The following TENM3 variants were observed in gnomAD, a reference collection of about 807,000 sequenced individuals.
TENM3 encodes teneurin-3.
Under a neutral mutation model 255.1 loss-of-function variants are expected in TENM3, and 63 were observed. That is an observed-to-expected ratio of 0.25 (90% CI 0.20 to 0.30). TENM3 has a LOEUF of 0.30. Ranked by LOEUF, TENM3 falls within the 10% of genes least tolerant of loss-of-function variation. TENM3 has a pLI of 1.00. For synonymous variants in TENM3, 1,306 were observed against 1,322.3 expected (o/e 0.99, Z 0.27); for missense variants, 2,929 against 3,461.1 (o/e 0.85, Z 3.86).
At chr4:182,767,637 C>T (rs1026642144) in intron 22 of TENM3, among the ~76,000 whole-genome samples, 2 of 151,964 alleles carry the variant, frequency 1.3e-5, no homozygotes, top group African/African-American at 4.8e-5. Flanking sequence ...ACTACGTATA[C>T]TATATATACA....
chr4:182,185,195 A>G (rs1399575897), intron 1 of TENM3, among the ~76,000 whole-genome samples: 1 of 152,142 alleles, frequency 6.6e-6, no homozygotes, highest in Non-Finnish European at 1.5e-5. Context: ...CATCTCATTT[A>G]CTTTCTTTTA....
chr4:181,448,866 T>C, the TENM3 span, among the ~76,000 whole-genome samples: 194 of 152,308 alleles, frequency 1.3e-3, 3 homozygotes, highest in South Asian at 0.03. Flanking sequence ...TTTCTAAACA[T>C]ACTTATAATT....
chr4:182,176,302 CT>C (rs1752485018), intron 1 of TENM3, among the ~76,000 whole-genome samples: 1 of 150,090 alleles, frequency 6.7e-6, no homozygotes, highest in Non-Finnish European at 1.5e-5. Flanking sequence ...TGAATTACAG[CT>C]TCACCACCGT....
chr4:182,492,496 T>C (rs1048854595), intron 3 of TENM3, among the ~76,000 whole-genome samples: 1 of 152,194 alleles, frequency 6.6e-6, no homozygotes, highest in Non-Finnish European at 1.5e-5. Flanking sequence ...AAGGAAGTAA[T>C]ATTCATGTCA....
rs530019659 is a variant in TENM3, at chr4:182,225,791, G to C, written c.-76+81037G>C. 3.9e-5 allele frequency among the ~76,000 whole-genome samples: 6 copies of C among 152,272 alleles called. 1 individual carries two copies. The highest frequency in any genetic ancestry group is 1.4e-4 in the African/African-American group (6 of 41,548). The stretch of plus-strand genomic sequence containing the variant: ...GAAAGTGGCTTTCTTATCTAAGATA[G>C]CCTGGAGTCTGACAAAGCAGTGGGC... On this transcript the variant is annotated intron_variant, in intron 1 of 2. Coordinates refer to the TENM3 transcript ENST00000512480.
intron 3 of TENM3, among the ~76,000 whole-genome samples, chr4:182,597,589 T>C (rs886446621): frequency 6.6e-6 from 1 of 152,236 alleles, no homozygotes; most frequent in Admixed American, 6.5e-5. Flanking sequence ...GCCAGATTTG[T>C]GTTCCTCTTT....
At chr4:181,868,346 A>G in the TENM3 span, among the ~76,000 whole-genome samples, 1 of 152,112 alleles carries the variant, frequency 6.6e-6, no homozygotes, top group Non-Finnish European at 1.5e-5. Flanking sequence ...TAAATTTTAT[A>G]TAAACAGAGG....
chr4:181,540,812 C>A, the TENM3 span, among the ~76,000 whole-genome samples: 52 of 150,920 alleles, frequency 3.4e-4, no homozygotes, highest in African/African-American at 1.3e-3. Flanking sequence ...ATGTGGTACC[C>A]ATCATGGGAT....
At chr4:181,549,250 C>T in the TENM3 span, among the ~76,000 whole-genome samples, 2 of 152,198 alleles carry the variant, frequency 1.3e-5, no homozygotes, top group African/African-American at 4.8e-5. Flanking sequence ...AAGCCGGAGG[C>T]TCAGCTCCAG....
the TENM3 span, among the ~76,000 whole-genome samples, chr4:182,008,654 T>A: frequency 6.6e-6 from 1 of 152,084 alleles, no homozygotes; most frequent in Non-Finnish European, 1.5e-5. Context: ...TTAGCTTCTT[T>A]GTATTGGGTT....
chr4:181,555,380 A>G, the TENM3 span, among the ~76,000 whole-genome samples: 3 of 152,206 alleles, frequency 2.0e-5, no homozygotes, highest in African/African-American at 7.2e-5. Context: ...GTAAGTGGAC[A>G]GAAAAGTACC....
chr4:182,456,713 A>G (rs1253384361), intron 3 of TENM3, among the ~76,000 whole-genome samples: 2 of 152,206 alleles, frequency 1.3e-5, no homozygotes, highest in African/African-American at 4.8e-5. Flanking sequence ...ATAATTTAGA[A>G]CAAGAATCAG....
the TENM3 span, among the ~76,000 whole-genome samples, chr4:182,077,727 C>CTTGTT: frequency 6.6e-6 from 1 of 152,058 alleles, no homozygotes; most frequent in African/African-American, 2.4e-5. Flanking sequence ...CTTGGTGGAG[C>CTTGTT]TTGTTTTCTA....
rs750407728 is a variant in TENM3, at chr4:182,801,998, A to G, written c.*1647A>G. On this transcript the variant is annotated 3_prime_UTR_variant, in exon 28 of 28. Transcript: ENST00000511685. Reference sequence around the variant, plus strand: ...TACACACTGTTTTCCTCTATGTATAATGGTGATAAAATATAGCAAGTGAAC... The same window carrying G: ...TACACACTGTTTTCCTCTATGTATAGTGGTGATAAAATATAGCAAGTGAAC... 1.2e-3 allele frequency: 190 copies of G among 152,664 alleles called. 1 individual carries two copies. The highest frequency in any genetic ancestry group is 1.0e-3 in the Non-Finnish European group (69 of 68,038). 9.5% of individuals were successfully genotyped at this position (152,664 alleles called of 1,614,324 possible). A position where few individuals can be genotyped will look rare whatever the true frequency, so the allele number is the denominator to read the frequency against.
chr4:182,795,879 A>T (rs542697472), intron 26 of TENM3, among the ~76,000 whole-genome samples: 1 of 152,370 alleles, frequency 6.6e-6, no homozygotes, highest in South Asian at 2.1e-4. Flanking sequence ...AACCGTTCTC[A>T]TAAAGCTGCA....
the TENM3 span, among the ~76,000 whole-genome samples, chr4:181,626,137 T>C: frequency 2.0e-5 from 3 of 152,088 alleles, no homozygotes; most frequent in Admixed American, 6.5e-5. Flanking sequence ...TCTGCCACAA[T>C]TGGGTAAATT....
At chr4:181,692,036 C>G in the TENM3 span, among the ~76,000 whole-genome samples, 2 of 152,062 alleles carry the variant, frequency 1.3e-5, no homozygotes, top group South Asian at 2.1e-4. Context: ...CGTCATAAAT[C>G]CAGGTATTTA....
chr4:181,984,222 T>C, the TENM3 span, among the ~76,000 whole-genome samples: 1 of 151,966 alleles, frequency 6.6e-6, no homozygotes, highest in East Asian at 1.9e-4. Context: ...CACCATCCTC[T>C]CCCTTTGACT....
At chr4:181,888,532 A>ATATATATATATATATATG in the TENM3 span, among the ~76,000 whole-genome samples, 27 of 78,726 alleles carry the variant, frequency 3.4e-4, no homozygotes, top group Admixed American at 7.4e-4. Context: ...ATATACATAT[A>ATATATATATATATATATG]TGTGTATATA....
Sources: gnomAD v4.1 joint callset for allele counts (sites outside exome capture counted in the v4.1 genomes callset) on GRCh38, gnomAD v4.1.1 for gene constraint, MANE v1.5 for transcripts, NCBI Gene and HGNC (gene_info 2026-07-23, HGNC 2026-07-21) for gene names.